Variants in GSS observed in about 807,000 individuals in gnomAD.
GSS encodes glutathione synthetase.
A neutral mutation model predicts 60.4 loss-of-function variants in GSS; 34 were observed. The ratio of observed to expected loss-of-function variants is 0.56; its 90% CI spans 0.43 to 0.75. The LOEUF is 0.75. Ranked by LOEUF, GSS falls within the 30% of genes least tolerant of loss-of-function variation. The pLI, the probability that GSS is intolerant of heterozygous loss-of-function variation, is 0.00. For missense variants in GSS, 499 were observed against 595.1 expected (o/e 0.84, Z 1.68); for synonymous variants, 224 against 239.0 (o/e 0.94, Z 0.58).
At position 34,951,734 on chromosome 20, in the gene GSS, G is replaced by T. The variant is rs1439984904; in HGVS notation, c.119C>A (p.Thr40Asn). 15 of 1,608,794 alleles carry T rather than the reference G, an allele frequency of 9.3e-6. No homozygotes were observed. Among genetic ancestry groups the T allele is most frequent in the Middle Eastern group, 1.6e-4 (1 of 6,080 alleles). The change falls in exon 2 of 13, where the codon ACT becomes AAT. Residue 40 changes from threonine (T) to asparagine (N), a missense_variant. By Grantham distance (65) the Thr-to-Asn change is moderately conservative. Transcript: ENST00000651619. ...GAGCTAGGGGCTTACCTCCGAGGAA[G>T]TGGGCTCCTGTGAGGTCCTCAGCAA... Reference protein sequence around the residue: ...GVLLRTSQEPTSSEVVSYAPF... With the variant: ...GVLLRTSQEPNSSEVVSYAPF...
chr20:34,946,751 G>T (rs1045808783), intron 2 of GSS: 2 of 152,222 alleles, frequency 1.3e-5, no homozygotes, highest in Non-Finnish European at 2.9e-5. Context: ...GTGAACTCTG[G>T]TTCCCTTAGT....
chr20:34,954,962 A>T (rs1276313680), intron 1 of GSS: 6 of 152,622 alleles, frequency 3.9e-5, no homozygotes, highest in Non-Finnish European at 5.9e-5. Flanking sequence ...GGCCACTGTC[A>T]TCTCTTCCCT....
At position 34,932,152 on chromosome 20, in the gene GSS, A is replaced by G. The variant is rs765610332; in HGVS notation, c.835-19T>C. 1.2e-6 allele frequency: 2 copies of G among 1,601,026 alleles called. No homozygotes were observed. Among genetic ancestry groups the G allele is most frequent in the Non-Finnish European group, 1.7e-6 (2 of 1,168,062 alleles). On this transcript the variant is annotated intron_variant, in intron 9 of 12. Transcript: ENST00000651619. ...CCCAATTCTGCAGAGGGAAGAAGAC[A>G]AAAGGAATTCGACTTTATTTTACTT...
At chr20:34,945,879 C>T (rs1312776699) in intron 3 of GSS, 74 bp downstream of exon 3, 2 of 1,502,492 alleles carry the variant, frequency 1.3e-6, no homozygotes, top group East Asian at 2.3e-5. Context: ...CACAGTAACA[C>T]CTCACGGCTC....
intron 3 of GSS, among the ~76,000 whole-genome samples, chr20:34,944,819 T>C (rs2081507877): frequency 6.6e-6 from 1 of 152,176 alleles, no homozygotes; most frequent in Non-Finnish European, 1.5e-5. Context: ...ACCTGTCACA[T>C]GACATCAGGC....
intron 6 of GSS, among the ~76,000 whole-genome samples, chr20:34,938,458 G>A (rs1600383247): frequency 6.6e-6 from 1 of 152,168 alleles, no homozygotes; most frequent in African/African-American, 2.4e-5. Context: ...TTTGAGTTGG[G>A]TGCCTGAGAG....
intron 2 of GSS, among the ~76,000 whole-genome samples, chr20:34,948,114 G>T (rs966638067): frequency 6.6e-6 from 1 of 152,010 alleles, no homozygotes; most frequent in Non-Finnish European, 1.5e-5. Flanking sequence ...GTGTACCACT[G>T]CCCTGGCCTC....
At chr20:34,952,457 T>G (rs538094490) in intron 1 of GSS, 1 of 158,222 alleles carries the variant, frequency 6.3e-6, no homozygotes, top group African/African-American at 2.4e-5. Flanking sequence ...TTTTTTGATA[T>G]GGAGTCTCAC....
At chr20:34,951,519 C>T (rs2081568123) in intron 2 of GSS, 4 of 601,950 alleles carry the variant, frequency 6.6e-6, no homozygotes, top group Admixed American at 6.0e-5. Flanking sequence ...AGTAATTTGC[C>T]TAAGTCACAC....
rs761807612 is a variant in GSS, at chr20:34,946,072, G to A, written c.156C>T (p.Leu52=). 15 of 1,613,680 alleles carry A rather than the reference G, an allele frequency of 9.3e-6. No homozygotes were observed. In the South Asian group the frequency reaches 1.4e-4, roughly 15 times the overall value. ...SEVVSYAPFT[L]FPSLVPSALL... ...GGGCACTGGGGACCAGTGAGGGGAA[G>A]AGCGTGAATGGGGCATAGCTCACCA... The change falls in exon 3 of 13, where the codon CTC becomes CTT. Residue 52 remains leucine (L), a synonymous_variant. Transcript: ENST00000651619.
chr20:34,942,864 C>G, intron 4 of GSS, 67 bp downstream of exon 4: 1 of 1,236,298 alleles, frequency 8.1e-7, no homozygotes, highest in Non-Finnish European at 1.2e-6. Context: ...ATTCTTCAAG[C>G]AAAACAGAAA....
chr20:34,936,228 T>C (rs1283923378), intron 8 of GSS, among the ~76,000 whole-genome samples: 1 of 152,192 alleles, frequency 6.6e-6, no homozygotes, highest in Non-Finnish European at 1.5e-5. Context: ...AAACAGTGAG[T>C]GGTATTGTGA....
intron 9 of GSS, among the ~76,000 whole-genome samples, chr20:34,934,556 C>T (rs760822865): frequency 2.6e-5 from 4 of 152,116 alleles, no homozygotes; most frequent in Non-Finnish European, 5.9e-5. Context: ...GGATTATAGG[C>T]GTGAACCACC....
chr20:34,955,383 G>C (rs767634984), intron 1 of GSS: 8 of 152,242 alleles, frequency 5.3e-5, no homozygotes, highest in Non-Finnish European at 1.2e-4. Context: ...GCAACGACAC[G>C]GTCGGCTGCC....
In GSS at chr20:34,942,619, G is replaced by A; in HGVS notation, c.360C>T (p.Phe120=). The A allele has an allele frequency of 1.2e-6, 2 of 1,614,072 alleles. No homozygotes were observed. Among genetic ancestry groups the A allele is most frequent in the Non-Finnish European group, 1.7e-6 (2 of 1,179,978 alleles). ...VLKEGIAQTV[F]LGLNRSDYMF... ...TGTAGTCTGAGCGATTCAGGCCCAG[G>A]AACACAGTCTGTGGGGAAAACTGAA... The change falls in exon 5 of 13, where the codon TTC becomes TTT. Residue 120 remains phenylalanine, a synonymous_variant. Coordinates refer to ENST00000651619, the MANE Select transcript of GSS (RefSeq NM_000178.4).
At chr20:34,930,784 C>T (rs1186468548) in intron 11 of GSS, among the ~76,000 whole-genome samples, 1 of 152,096 alleles carries the variant, frequency 6.6e-6, no homozygotes, top group Non-Finnish European at 1.5e-5. Context: ...GGATGCAAAC[C>T]ATTTTTCCAG....
At chr20:34,938,395 T>A (rs1192647164) in intron 6 of GSS, among the ~76,000 whole-genome samples, 1 of 152,244 alleles carries the variant, frequency 6.6e-6, no homozygotes, top group Non-Finnish European at 1.5e-5. Flanking sequence ...TCCCCTCTCC[T>A]GGTTTGCCTG....
At chr20:34,940,441 G>A (rs1045384468) in intron 6 of GSS, among the ~76,000 whole-genome samples, 3 of 152,216 alleles carry the variant, frequency 2.0e-5, no homozygotes, top group Admixed American at 1.3e-4. Flanking sequence ...GCTTAGTGAG[G>A]CTTAGCAAGG....
Position 34,942,600 on chromosome 20 carries a change from C to T in GSS, c.379G>A (p.Asp127Asn), listed in dbSNP as rs1188304291. The T allele has an allele frequency of 6.2e-7, 1 of 1,613,956 alleles. No homozygotes were observed. Among genetic ancestry groups the T allele is most frequent in the African/African-American group, 1.3e-5 (1 of 74,898 alleles). Reference protein sequence around the residue: ...QTVFLGLNRSDYMFQRSADGS... With the variant: ...QTVFLGLNRSNYMFQRSADGS... ...TCTGCGCTGCGCTGGAACATGTAGT[C>T]TGAGCGATTCAGGCCCAGGAACACA... The change falls in exon 5 of 13, where the codon GAC (aspartate) becomes AAC (asparagine). Residue 127 changes from aspartate (D) to asparagine (N), a missense_variant. Asp to Asn is a conservative substitution (Grantham distance 23). Coordinates refer to ENST00000651619, the MANE Select transcript of GSS (RefSeq NM_000178.4).
Sources: allele counts gnomAD v4.1 joint callset (sites outside exome capture counted in the v4.1 genomes callset), GRCh38; gene constraint gnomAD v4.1.1; transcripts MANE v1.5; gene names NCBI Gene and HGNC (gene_info 2026-07-23, HGNC 2026-07-21).